Variants in LPP observed in about 807,000 individuals in gnomAD.
LPP encodes lipoma-preferred partner.
LPP carries 38 observed loss-of-function variants against 60.4 expected under a neutral mutation model. The ratio of observed to expected loss-of-function variants is 0.63; its 90% confidence interval spans 0.49 to 0.83. LPP has a LOEUF of 0.83. Among genes scored for constraint, LPP ranks in the 40% least tolerant of loss-of-function variants. The probability of loss-of-function intolerance (pLI) is 0.00; values close to 1 mark genes in which losing one functional copy is unlikely to be tolerated. For missense variants in LPP, 902 were observed against 783.6 expected (o/e 1.15, Z -1.80); for synonymous variants, 328 against 290.8 (o/e 1.13, Z -1.30).
At chr3:188,196,537 C>G (rs1247914882) in intron 1 of LPP, among the ~76,000 whole-genome samples, 1 of 152,204 alleles carries the variant, frequency 6.6e-6, no homozygotes, top group Non-Finnish European at 1.5e-5. Context: ...GCATCTCTCT[C>G]CTGGAGTGCT....
At chr3:188,771,581 A>G (rs1170594773) in intron 9 of LPP, among the ~76,000 whole-genome samples, 1 of 150,824 alleles carries the variant, frequency 6.6e-6, no homozygotes, top group Non-Finnish European at 1.5e-5. Flanking sequence ...GAAAGAAAGA[A>G]AGGGAGAAAG....
chr3:188,496,936 A>T (rs1427704366), intron 5 of LPP, among the ~76,000 whole-genome samples: 1 of 152,000 alleles, frequency 6.6e-6, no homozygotes, highest in Non-Finnish European at 1.5e-5. Context: ...TTTAGTAAAG[A>T]TGTCAATGTC....
chr3:188,483,760 T>A (rs1805494385), intron 4 of LPP, among the ~76,000 whole-genome samples: 1 of 152,200 alleles, frequency 6.6e-6, no homozygotes, highest in African/African-American at 2.4e-5. Context: ...GCCTGGATTA[T>A]GTATAGATTT....
chr3:188,484,571 T>A (rs746047620), intron 4 of LPP, 21 bp from the exon 5 acceptor site: 2 of 1,526,196 alleles, frequency 1.3e-6, no homozygotes, highest in South Asian at 1.1e-5. Context: ...TAACTTCATG[T>A]TGTTTACTTC....
At chr3:188,257,722 C>T (rs1034203778) in intron 2 of LPP, among the ~76,000 whole-genome samples, 2 of 152,304 alleles carry the variant, frequency 1.3e-5, no homozygotes, top group East Asian at 3.9e-4. Context: ...GTTCACTGGG[C>T]ACCCAGTCTG....
At chr3:188,831,500 G>T (rs1757125265) in intron 9 of LPP, among the ~76,000 whole-genome samples, 1 of 152,156 alleles carries the variant, frequency 6.6e-6, no homozygotes, top group Non-Finnish European at 1.5e-5. Flanking sequence ...CTAGCTGGGT[G>T]CTTCCCCCTC....
intron 2 of LPP, among the ~76,000 whole-genome samples, chr3:188,241,429 T>C (rs2149469439): frequency 6.6e-6 from 1 of 152,324 alleles, no homozygotes; most frequent in South Asian, 2.1e-4. Flanking sequence ...TCTTTTTCTC[T>C]TCTCTTCCTT....
rs79888848 is a variant in LPP, at chr3:188,415,971, A to G, written c.193+9658A>G. Among the ~76,000 whole-genome samples the G allele has an allele frequency of 3.8e-3, 584 of 152,290 alleles. 5 individuals carry two copies. Among genetic ancestry groups the G allele is most frequent in the African/African-American group, 0.013 (558 of 41,574 alleles). ...AAAACTGAGTAACTCCTAGTTAACA[A>G]TAAGGTAACAATGTCAGTTTGCTGG... On this transcript the variant is annotated intron_variant, in intron 4 of 11. Coordinates refer to ENST00000617246, the MANE Select transcript of LPP (RefSeq NM_001375462.1).
At chr3:188,649,184 G>T (rs1851630288) in intron 7 of LPP, among the ~76,000 whole-genome samples, 1 of 152,140 alleles carries the variant, frequency 6.6e-6, no homozygotes, top group Non-Finnish European at 1.5e-5. Flanking sequence ...AAGCTAATTA[G>T]TTTTTTTATT....
At chr3:188,812,775 CT>C (rs1331024822) in intron 9 of LPP, among the ~76,000 whole-genome samples, 1 of 36,252 alleles carries the variant, frequency 2.8e-5, no homozygotes, top group Non-Finnish European at 4.5e-5. Context: ...CTCACTCTCC[CT>C]CTCTCTCTCT....
chr3:188,553,289 T>A (rs1828652075), intron 6 of LPP, among the ~76,000 whole-genome samples: 1 of 152,152 alleles, frequency 6.6e-6, no homozygotes, highest in Non-Finnish European at 1.5e-5. Flanking sequence ...TTGTTTTTCC[T>A]CTAGCCTGTG....
intron 5 of LPP, among the ~76,000 whole-genome samples, chr3:188,494,779 C>T (rs188086323): frequency 1.3e-5 from 2 of 152,186 alleles, no homozygotes; most frequent in East Asian, 3.9e-4. Context: ...TGCTTACTGG[C>T]TGCATGACTG....
intron 5 of LPP, among the ~76,000 whole-genome samples, chr3:188,492,687 A>G (rs536122892): frequency 4.5e-4 from 68 of 152,272 alleles, no homozygotes; most frequent in Non-Finnish European, 8.7e-4. Flanking sequence ...CAAAAGCGAA[A>G]CTCCGTCTCA....
intron 7 of LPP, among the ~76,000 whole-genome samples, chr3:188,611,098 T>C (rs1843625283): frequency 6.6e-6 from 1 of 152,212 alleles, no homozygotes; most frequent in South Asian, 2.1e-4. Flanking sequence ...GCGTCTGCCA[T>C]ATTAATGGTG....
chr3:188,229,152 T>C (rs1252424079), intron 2 of LPP, among the ~76,000 whole-genome samples: 1 of 152,208 alleles, frequency 6.6e-6, no homozygotes, highest in Non-Finnish European at 1.5e-5. Flanking sequence ...TTATTATTTT[T>C]CACATTCATT....
chr3:188,197,876 G>T (rs143342523), intron 1 of LPP, among the ~76,000 whole-genome samples: 5 of 152,270 alleles, frequency 3.3e-5, no homozygotes, highest in Non-Finnish European at 7.4e-5. Context: ...TCCATTAGGC[G>T]TGCATATCGA....
At chr3:188,432,323 G>A (rs1253531614) in intron 4 of LPP, among the ~76,000 whole-genome samples, 4 of 152,102 alleles carry the variant, frequency 2.6e-5, no homozygotes, top group African/African-American at 7.2e-5. Flanking sequence ...CTGAGCTACC[G>A]ATATCTACTA....
intron 9 of LPP, among the ~76,000 whole-genome samples, chr3:188,833,956 T>A (rs1259774614): frequency 6.6e-6 from 1 of 152,230 alleles, no homozygotes; most frequent in African/African-American, 2.4e-5. Flanking sequence ...ACATTACTAT[T>A]AAAGCATCCC....
intron 2 of LPP, among the ~76,000 whole-genome samples, chr3:188,296,343 C>T (rs942691902): frequency 6.6e-6 from 1 of 151,986 alleles, no homozygotes; most frequent in Non-Finnish European, 1.5e-5. Flanking sequence ...TGGAGGAATC[C>T]CAGAGGTTGG....
Sources: gnomAD v4.1 joint callset for allele counts (sites outside exome capture counted in the v4.1 genomes callset) on GRCh38, gnomAD v4.1.1 for gene constraint, MANE v1.5 for transcripts, NCBI Gene and HGNC (gene_info 2026-07-23, HGNC 2026-07-21) for gene names.